The following ZNF804B variants were observed in gnomAD, a reference collection of about 807,000 sequenced individuals.
ZNF804B encodes zinc finger 804B.
In ZNF804B, 80 loss-of-function variants were observed where a neutral mutation model predicts 101.4. The ratio of observed to expected loss-of-function variants is 0.79; its 90% confidence interval spans 0.66 to 0.95. The LOEUF (loss-of-function observed/expected upper bound fraction) is 0.95, where lower values mean the gene tolerates loss of function less well. Ranked by LOEUF, ZNF804B falls within the 40% of genes least tolerant of loss-of-function variation. ZNF804B has a pLI of 0.00. For missense variants in ZNF804B, 1,673 were observed against 1,561.9 expected (o/e 1.07, Z -1.20); for synonymous variants, 622 against 558.8 (o/e 1.11, Z -1.59).
intron 1 of ZNF804B, among the ~76,000 whole-genome samples, chr7:89,167,897 A>G (rs1791167637): frequency 6.6e-6 from 1 of 152,170 alleles, no homozygotes; most frequent in South Asian, 2.1e-4. Context: ...CCACAAAATA[A>G]GACCTTCTGT....
chr7:88,764,224 G>A (rs1421686587), intron 1 of ZNF804B, among the ~76,000 whole-genome samples: 1 of 152,046 alleles, frequency 6.6e-6, no homozygotes, highest in Non-Finnish European at 1.5e-5. Flanking sequence ...AATAATAATG[G>A]TAGATATATA....
chr7:89,303,551 T>C lies in ZNF804B; in HGVS notation c.250-23793T>C, dbSNP rs115091746. Among the ~76,000 whole-genome samples the C allele has an allele frequency of 8.2e-3, 1,247 of 152,062 alleles. 22 individuals are homozygous for C. The highest frequency in any genetic ancestry group is 0.029 in the African/African-American group (1,187 of 41,544). ...TACTTGTATAATTCTGAGCAAGTTA[T>C]CCAACATCTCTTAGCCTCAGTTTTC... On this transcript the variant is annotated intron_variant, in intron 2 of 3. Coordinates refer to ENST00000333190, the MANE Select transcript of ZNF804B (RefSeq NM_181646.5).
chr7:89,277,917 G>A (rs1418095734), intron 2 of ZNF804B, among the ~76,000 whole-genome samples: 3 of 152,056 alleles, frequency 2.0e-5, no homozygotes, highest in Non-Finnish European at 2.9e-5. Flanking sequence ...TCCATGAAGA[G>A]TCGCCACACT....
intron 1 of ZNF804B, among the ~76,000 whole-genome samples, chr7:88,765,445 T>A (rs1299108297): frequency 6.6e-6 from 1 of 152,192 alleles, no homozygotes; most frequent in Non-Finnish European, 1.5e-5. Flanking sequence ...TATTTTTATG[T>A]GTTAAGTAAT....
At chr7:88,810,539 G>A (rs1790768849) in intron 1 of ZNF804B, among the ~76,000 whole-genome samples, 1 of 151,690 alleles carries the variant, frequency 6.6e-6, no homozygotes, top group East Asian at 1.9e-4. Flanking sequence ...CTGCACACCT[G>A]TAGTCCCAGC....
intron 1 of ZNF804B, among the ~76,000 whole-genome samples, chr7:89,194,285 T>A (rs1788508775): frequency 6.6e-6 from 1 of 152,186 alleles, no homozygotes; most frequent in African/African-American, 2.4e-5. Context: ...CTGATGGTAT[T>A]TCTTTTGCTG....
chr7:89,092,743 T>G (rs927285887), intron 1 of ZNF804B, among the ~76,000 whole-genome samples: 3 of 152,188 alleles, frequency 2.0e-5, no homozygotes, highest in African/African-American at 7.2e-5. Flanking sequence ...AATTGTCTCC[T>G]CAGCTCCTTT....
chr7:89,282,994 A>T (rs1015384596), intron 2 of ZNF804B, among the ~76,000 whole-genome samples: 18 of 152,238 alleles, frequency 1.2e-4, no homozygotes, highest in Admixed American at 6.5e-5. Flanking sequence ...GTGATATGTT[A>T]TATCAGCCAT....
At chr7:89,287,640 G>C (rs1326670602) in intron 2 of ZNF804B, among the ~76,000 whole-genome samples, 1 of 152,074 alleles carries the variant, frequency 6.6e-6, no homozygotes, top group Non-Finnish European at 1.5e-5. Context: ...GCTAACTTTT[G>C]AGTTGCTCAC....
chr7:89,173,159 C>T (rs1169136778), intron 1 of ZNF804B, among the ~76,000 whole-genome samples: 1 of 152,108 alleles, frequency 6.6e-6, no homozygotes, highest in Non-Finnish European at 1.5e-5. Context: ...TAATCCCTGA[C>T]TATGTGAAAC....
intron 1 of ZNF804B, among the ~76,000 whole-genome samples, chr7:88,803,017 G>T (rs1051761833): frequency 6.6e-6 from 1 of 151,994 alleles, no homozygotes; most frequent in African/African-American, 2.4e-5. Context: ...AGTTTAAATT[G>T]GATTCCCAAC....
At chr7:88,892,882 T>TA (rs2115934074) in intron 1 of ZNF804B, among the ~76,000 whole-genome samples, 1 of 152,312 alleles carries the variant, frequency 6.6e-6, no homozygotes, top group East Asian at 1.9e-4. Flanking sequence ...TTGGTATTGT[T>TA]AGTTATAACT....
chr7:88,860,616 A>G (rs1000407334), intron 1 of ZNF804B, among the ~76,000 whole-genome samples: 2 of 152,118 alleles, frequency 1.3e-5, no homozygotes, highest in Non-Finnish European at 2.9e-5. Flanking sequence ...TTTCATATTT[A>G]CAGTCCTGTG....
intron 1 of ZNF804B, among the ~76,000 whole-genome samples, chr7:88,952,820 T>C (rs1467465098): frequency 6.6e-6 from 1 of 151,728 alleles, no homozygotes; most frequent in Non-Finnish European, 1.5e-5. Flanking sequence ...ATAAAAACAC[T>C]CACACTCTTC....
intron 1 of ZNF804B, among the ~76,000 whole-genome samples, chr7:89,094,604 C>T (rs567279698): frequency 1.2e-4 from 19 of 152,164 alleles, no homozygotes; most frequent in African/African-American, 4.6e-4. Context: ...AGTTTTCCTA[C>T]CCTGATTGAT....
chr7:88,871,690 G>A (rs1791825471), intron 1 of ZNF804B, among the ~76,000 whole-genome samples: 1 of 152,150 alleles, frequency 6.6e-6, no homozygotes, highest in South Asian at 2.1e-4. Flanking sequence ...TGGGCTGGGT[G>A]CTGTGGCTCA....
intron 1 of ZNF804B, among the ~76,000 whole-genome samples, chr7:88,965,502 C>G (rs1311835478): frequency 1.3e-5 from 2 of 151,342 alleles, no homozygotes; most frequent in Non-Finnish European, 3.0e-5. Flanking sequence ...TGATGAGGAG[C>G]CTTATGTGAG....
chr7:88,982,746 A>G (rs1793709604), intron 1 of ZNF804B, among the ~76,000 whole-genome samples: 1 of 152,100 alleles, frequency 6.6e-6, no homozygotes, highest in Non-Finnish European at 1.5e-5. Context: ...TTAGGGGAAC[A>G]GTATTCAACC....
Position 88,972,302 on chromosome 7 carries a change from G to GT in ZNF804B, c.108+212223dup, listed in dbSNP as rs527514871. 3.5e-3 allele frequency among the ~76,000 whole-genome samples: 529 copies of GT among 151,608 alleles called. 4 individuals carry two copies. Among genetic ancestry groups the GT allele is most frequent in the Middle Eastern group, 0.017 (5 of 294 alleles). On this transcript the variant is annotated intron_variant, in intron 1 of 3. Coordinates refer to ENST00000333190, the MANE Select transcript of ZNF804B (RefSeq NM_181646.5). ...AAACTGTTTCCAGTTTCTCCAGGCA[G>GT]TTTTTATTGTTCTAACCTGTCTTAA...
Sources: gnomAD v4.1 joint callset for allele counts (sites outside exome capture counted in the v4.1 genomes callset) on GRCh38, gnomAD v4.1.1 for gene constraint, MANE v1.5 for transcripts, NCBI Gene and HGNC (gene_info 2026-07-23, HGNC 2026-07-21) for gene names.